Variants in CTBP2 observed in about 807,000 individuals in gnomAD.
CTBP2 encodes the protein C-terminal binding protein 2, also known as C-terminal-binding protein 2.
In CTBP2, 30 loss-of-function variants were observed where a neutral mutation model predicts 80.3. That is an observed-to-expected ratio of 0.37 (90% CI 0.28 to 0.51). The LOEUF is 0.51. Among genes scored for constraint, CTBP2 ranks in the 20% least tolerant of loss-of-function variants. The pLI is 0.93. For missense variants in CTBP2, 1,212 were observed against 1,375.3 expected (o/e 0.88, Z 1.88); for synonymous variants, 594 against 587.4 (o/e 1.01, Z -0.16).
chr10:125,072,634 G>GAAAAAAAAAAAA (rs55742060), intron 2 of CTBP2, among the ~76,000 whole-genome samples: 18 of 100,144 alleles, frequency 1.8e-4, no homozygotes, highest in South Asian at 3.5e-4. Context: ...AAAAAGAAAA[G>GAAAAAAAAAAAA]AAAAAAAAAA....
chr10:125,006,852 G>A (rs1360521544), intron 1 of CTBP2, among the ~76,000 whole-genome samples: 4 of 144,824 alleles, frequency 2.8e-5, no homozygotes, highest in Non-Finnish European at 4.4e-5. Context: ...GAGGGCTTCC[G>A]AAGAACTGGG....
At position 125,026,105 on chromosome 10, in the gene CTBP2, G is replaced by C; in HGVS notation, c.1655C>G (p.Ser552Cys). ...ACTTGGTTCTGGTGCAAGCATGGTGGACACGATGATGGGTGCCCCTGTGCG... is the reference window on the plus strand; with the variant it reads ...ACTTGGTTCTGGTGCAAGCATGGTGCACACGATGATGGGTGCCCCTGTGCG... Residue 552 changes from serine to cysteine, a missense_variant, in exon 1 of 9, where the codon TCC (serine) becomes TGC (cysteine). Ser to Cys is a moderately radical substitution (Grantham distance 112). Transcript: ENST00000309035. The C allele has an allele frequency of 6.3e-7, 1 of 1,576,202 alleles. No homozygotes were observed. Among genetic ancestry groups the C allele is most frequent in the African/African-American group, 1.3e-5 (1 of 74,472 alleles).
intron 1 of CTBP2, among the ~76,000 whole-genome samples, chr10:125,122,297 C>A (rs974889982): frequency 3.9e-5 from 6 of 152,230 alleles, no homozygotes; most frequent in Non-Finnish European, 8.8e-5. Context: ...ATGCTGTTCT[C>A]ACATGATGAA....
chr10:125,032,393 G>C (rs182331524), upstream of CTBP2, among the ~76,000 whole-genome samples: 2 of 152,192 alleles, frequency 1.3e-5, no homozygotes, highest in Non-Finnish European at 2.9e-5. Context: ...GCTGTCCTGC[G>C]ATCAGAAGGT....
intron 2 of CTBP2, among the ~76,000 whole-genome samples, chr10:125,045,859 A>G (rs1044406739): frequency 6.6e-5 from 10 of 152,014 alleles, no homozygotes; most frequent in African/African-American, 2.4e-4. Flanking sequence ...TAGGGAGCTC[A>G]TATTTCCCCA....
chr10:125,068,464 A>G (rs142686852), intron 2 of CTBP2, among the ~76,000 whole-genome samples: 190 of 152,356 alleles, frequency 1.2e-3, no homozygotes, highest in Non-Finnish European at 2.0e-3. Flanking sequence ...TGCAGTTTGG[A>G]TAACCTAAGG....
chr10:125,039,072 A>C, exon 3 of CTBP2: 1 of 1,610,692 alleles, frequency 6.2e-7, no homozygotes, highest in Non-Finnish European at 8.5e-7. Context: ...GGAACTTTGC[A>C]ACTCTCAGAT....
chr10:124,995,084 G>A (rs191741338), intron 4 of CTBP2, among the ~76,000 whole-genome samples: 38 of 152,162 alleles, frequency 2.5e-4, no homozygotes, highest in African/African-American at 8.4e-4. Context: ...CATGAGCTTT[G>A]TGTTTGAAAA....
intron 2 of CTBP2, among the ~76,000 whole-genome samples, chr10:125,059,062 A>C (rs1964484748): frequency 6.6e-6 from 1 of 151,984 alleles, no homozygotes; most frequent in South Asian, 2.1e-4. Flanking sequence ...TGGATACCGG[A>C]GGCTCACTGC....
At chr10:125,120,288 T>C (rs1385800263) in intron 1 of CTBP2, among the ~76,000 whole-genome samples, 1 of 152,238 alleles carries the variant, frequency 6.6e-6, no homozygotes, top group Non-Finnish European at 1.5e-5. Context: ...GAGCAGGAAG[T>C]GGCATTTAAA....
chr10:125,062,111 TC>T (rs1965081064), intron 2 of CTBP2, among the ~76,000 whole-genome samples: 1 of 151,834 alleles, frequency 6.6e-6, no homozygotes, highest in Non-Finnish European at 1.5e-5. Context: ...TAGCGACTGC[TC>T]CCACCAGGGC....
chr10:124,984,678 G>T lies in CTBP2; in HGVS notation c.*4840C>A. 7.8e-7 allele frequency: 1 copy of T among 1,274,500 alleles called. No homozygotes were observed. 78.9% of individuals were successfully genotyped at this position (1,274,500 alleles called of 1,614,324 possible). ...AAGTTGATTGCTTTGGCCTTTTCAT[G>T]AGTTAGCATACCAGCTGTAGGTTTC... On this transcript the variant is annotated 3_prime_UTR_variant, in exon 9 of 9. Transcript: ENST00000309035.
At chr10:125,149,653 G>A (rs988684183) in intron 1 of CTBP2, among the ~76,000 whole-genome samples, 14 of 152,206 alleles carry the variant, frequency 9.2e-5, no homozygotes, top group African/African-American at 2.7e-4. Flanking sequence ...GTGTACACAC[G>A]TGTTCACAAA....
chr10:125,044,806 C>T lies in CTBP2; in HGVS notation c.-101-5651G>A, dbSNP rs74527324. Among the ~76,000 whole-genome samples the T allele has an allele frequency of 3.6e-3, 554 of 152,280 alleles. 3 individuals carry two copies. The highest frequency in any genetic ancestry group is 0.013 in the African/African-American group (533 of 41,552). On this transcript the variant is annotated intron_variant, in intron 2 of 10. Coordinates refer to the CTBP2 transcript ENST00000337195. ...GCAAAGCCAGATATAACAAAATAAACGTCCTAAAGGAGTCAGGGATCAGTG... is the reference window on the plus strand; with the variant it reads ...GCAAAGCCAGATATAACAAAATAAATGTCCTAAAGGAGTCAGGGATCAGTG...
chr10:125,037,057 T>C (rs372362516), intron 3 of CTBP2, among the ~76,000 whole-genome samples: 19 of 152,350 alleles, frequency 1.2e-4, no homozygotes, highest in African/African-American at 2.9e-4. Context: ...TTGATAGTTA[T>C]TGAGAAATTT....
At chr10:125,126,909 G>GCA (rs1855358824) in intron 1 of CTBP2, among the ~76,000 whole-genome samples, 1 of 138,606 alleles carries the variant, frequency 7.2e-6, no homozygotes, top group Non-Finnish European at 1.6e-5. Flanking sequence ...CCACACACGT[G>GCA]CATACACACA....
chr10:125,161,273 A>T (rs1861873581), upstream of CTBP2: 1 of 151,504 alleles, frequency 6.6e-6, no homozygotes, highest in Admixed American at 6.6e-5. Context: ...CCCGCCCGGG[A>T]GGCCCTCGGG....
At chr10:125,056,681 C>T (rs1427810007) in intron 2 of CTBP2, among the ~76,000 whole-genome samples, 2 of 152,226 alleles carry the variant, frequency 1.3e-5, no homozygotes, top group Non-Finnish European at 2.9e-5. Flanking sequence ...GCCTCTAGAA[C>T]GGCCACAGAG....
intron 8 of CTBP2, among the ~76,000 whole-genome samples, chr10:124,990,940 C>G (rs1432248329): frequency 6.6e-6 from 1 of 152,244 alleles, no homozygotes; most frequent in Non-Finnish European, 1.5e-5. Context: ...CATTTCTTTA[C>G]AAGCCACCCA....
Sources: allele counts gnomAD v4.1 joint callset (sites outside exome capture counted in the v4.1 genomes callset), GRCh38; gene constraint gnomAD v4.1.1; transcripts MANE v1.5; gene names NCBI Gene and HGNC (gene_info 2026-07-23, HGNC 2026-07-21).